The following PSD3 variants were observed in gnomAD, a reference collection of about 807,000 sequenced individuals.
PSD3 encodes PH and SEC7 domain-containing protein 3.
In PSD3, 49 loss-of-function variants were observed where a neutral mutation model predicts 105.5. The ratio of observed to expected loss-of-function variants is 0.46; its 90% CI spans 0.37 to 0.59. The LOEUF (loss-of-function observed/expected upper bound fraction) is 0.59, where lower values mean the gene tolerates loss of function less well. Among genes scored for constraint, PSD3 ranks in the 20% least tolerant of loss-of-function variants. The pLI, the probability that PSD3 is intolerant of heterozygous loss-of-function variation, is 0.00. For synonymous variants in PSD3, 557 were observed against 457.8 expected (o/e 1.22, Z -2.77); for missense variants, 1,561 against 1,263.8 (o/e 1.24, Z -3.57).
chr8:19,074,431 T>A (rs1482134818), intron 1 of PSD3, among the ~76,000 whole-genome samples: 2 of 151,934 alleles, frequency 1.3e-5, no homozygotes, highest in Non-Finnish European at 2.9e-5. Flanking sequence ...TAATCCGGAT[T>A]TCAAATTCTC....
chr8:18,787,627 G>A (rs1384986671), intron 8 of PSD3, among the ~76,000 whole-genome samples: 2 of 151,954 alleles, frequency 1.3e-5, no homozygotes, highest in Non-Finnish European at 2.9e-5. Flanking sequence ...TCTCTATATC[G>A]GAGGCCTACG....
At chr8:18,944,730 A>G in intron 1 of PSD3, among the ~76,000 whole-genome samples, 1 of 152,256 alleles carries the variant, frequency 6.6e-6, no homozygotes, top group Non-Finnish European at 1.5e-5. Flanking sequence ...TCAATTTATA[A>G]TTTTATTTAT....
intron 1 of PSD3, among the ~76,000 whole-genome samples, chr8:18,991,369 C>T (rs779160240): frequency 4.5e-4 from 24 of 52,962 alleles, no homozygotes; most frequent in Admixed American, 1.4e-3. Context: ...CACACACACA[C>T]ACATACACAC....
intron 4 of PSD3, among the ~76,000 whole-genome samples, chr8:18,855,102 C>T (rs1415473493): frequency 1.3e-5 from 2 of 152,194 alleles, no homozygotes; most frequent in East Asian, 3.9e-4. Flanking sequence ...ACTTCAGTTT[C>T]TTTTCCATGC....
At chr8:18,596,265 G>T (rs888681562) in intron 12 of PSD3, among the ~76,000 whole-genome samples, 4 of 151,854 alleles carry the variant, frequency 2.6e-5, no homozygotes, top group African/African-American at 9.7e-5. Flanking sequence ...GTACCAATAG[G>T]CAAGTTTATG....
intron 12 of PSD3, among the ~76,000 whole-genome samples, chr8:18,578,056 T>C (rs543058424): frequency 9.9e-5 from 15 of 152,268 alleles, no homozygotes; most frequent in African/African-American, 2.6e-4. Context: ...TTACTTATTG[T>C]CTGGAGATGC....
At chr8:18,587,004 G>C (rs994282954) in intron 12 of PSD3, among the ~76,000 whole-genome samples, 2 of 152,158 alleles carry the variant, frequency 1.3e-5, no homozygotes, top group Non-Finnish European at 2.9e-5. Flanking sequence ...GGCCAAATGA[G>C]TGAGCTTTTG....
At position 18,810,631 on chromosome 8, in the gene PSD3, C is replaced by T. The variant is rs149106531; in HGVS notation, c.1635-5733G>A. ...AAGGTGTCAAAGCTCCCTGTATGAC[C>T]CTGTATTTATAAAGTGTACCCCAAG... On this transcript the variant is annotated intron_variant, in intron 4 of 15. Transcript: ENST00000327040. 2.3e-3 allele frequency among the ~76,000 whole-genome samples: 344 copies of T among 152,090 alleles called. 2 individuals carry two copies. The highest frequency in any genetic ancestry group is 2.1e-3 in the Non-Finnish European group (143 of 68,008).
chr8:18,757,970 C>A (rs1405229692), intron 9 of PSD3, among the ~76,000 whole-genome samples: 1 of 152,056 alleles, frequency 6.6e-6, no homozygotes, highest in Non-Finnish European at 1.5e-5. Context: ...GCTGAATAGA[C>A]AAACTGCCCC....
chr8:18,860,946 G>A (rs937405253), intron 4 of PSD3, among the ~76,000 whole-genome samples: 2 of 151,890 alleles, frequency 1.3e-5, no homozygotes, highest in Admixed American at 6.6e-5. Flanking sequence ...AGTAACAGGC[G>A]CCGCACCATG....
intron 9 of PSD3, among the ~76,000 whole-genome samples, chr8:18,764,426 T>C (rs747650804): frequency 6.6e-6 from 1 of 152,228 alleles, no homozygotes; most frequent in Non-Finnish European, 1.5e-5. Flanking sequence ...ACTCCATAAA[T>C]TAAAGCTACT....
At chr8:18,959,167 C>T (rs935214636) in intron 1 of PSD3, among the ~76,000 whole-genome samples, 16 of 152,146 alleles carry the variant, frequency 1.1e-4, no homozygotes, top group African/African-American at 3.4e-4. Flanking sequence ...GTGACCCGCC[C>T]GACTCGGCCT....
chr8:18,544,171 CAAAAAAAAAAA>C (rs201016537), intron 15 of PSD3, among the ~76,000 whole-genome samples: 6 of 106,692 alleles, frequency 5.6e-5, no homozygotes, highest in Non-Finnish European at 8.8e-5. Flanking sequence ...AGAAACAAAC[CAAAAAAAAAAA>C]AAAAAAAAAA....
At chr8:18,614,548 G>C (rs1489930150) in intron 11 of PSD3, among the ~76,000 whole-genome samples, 1 of 152,026 alleles carries the variant, frequency 6.6e-6, no homozygotes, top group Non-Finnish European at 1.5e-5. Flanking sequence ...AAACACCCAG[G>C]CTTAAAAGGA....
chr8:18,636,220 A>G lies in PSD3; in HGVS notation c.2217-3414T>C, dbSNP rs78865389. ...GTGTATTTGTGTTCTAATTATTTTT[A>G]TTATTTAAACTCTTAGGCTATAAAG... On this transcript the variant is annotated intron_variant, in intron 10 of 15. Coordinates refer to ENST00000327040, the MANE Select transcript of PSD3 (RefSeq NM_015310.4). Among the ~76,000 whole-genome samples, 629 of 152,178 alleles carry G rather than the reference A, an allele frequency of 4.1e-3. 4 individuals are homozygous for G. Among genetic ancestry groups the G allele is most frequent in the African/African-American group, 0.014 (601 of 41,512 alleles).
chr8:18,817,511 T>G (rs1228396782), intron 4 of PSD3, among the ~76,000 whole-genome samples: 1 of 152,236 alleles, frequency 6.6e-6, no homozygotes, highest in African/African-American at 2.4e-5. Flanking sequence ...GGATAATGGC[T>G]GGGCTTTAAC....
chr8:18,610,793 G>A (rs1805207102), intron 11 of PSD3, among the ~76,000 whole-genome samples: 1 of 151,802 alleles, frequency 6.6e-6, no homozygotes, highest in Non-Finnish European at 1.5e-5. Flanking sequence ...TCCTATAAGA[G>A]GTCTCAAGAC....
At chr8:18,743,305 G>C (rs566568372) in intron 9 of PSD3, among the ~76,000 whole-genome samples, 11 of 152,240 alleles carry the variant, frequency 7.2e-5, no homozygotes, top group African/African-American at 2.6e-4. Flanking sequence ...ATAGAGGAGC[G>C]GGGAGATAGC....
At chr8:18,890,471 G>A (rs1210878086) in intron 2 of PSD3, among the ~76,000 whole-genome samples, 7 of 152,132 alleles carry the variant, frequency 4.6e-5, no homozygotes, top group African/African-American at 1.7e-4. Flanking sequence ...GAGGTGAAAA[G>A]CCAAAACCTG....
Sources: gnomAD v4.1 joint callset for allele counts (sites outside exome capture counted in the v4.1 genomes callset) on GRCh38, gnomAD v4.1.1 for gene constraint, MANE v1.5 for transcripts, NCBI Gene and HGNC (gene_info 2026-07-23, HGNC 2026-07-21) for gene names.